TENM4: variants seen among roughly 807,000 people sequenced by gnomAD.
TENM4 encodes teneurin-4.
Under a neutral mutation model 243.3 loss-of-function variants are expected in TENM4, and 82 were observed. The ratio of observed to expected loss-of-function variants is 0.34; its 90% CI spans 0.28 to 0.40. TENM4 has a LOEUF of 0.40. Ranked by LOEUF, TENM4 falls within the 10% of genes least tolerant of loss-of-function variation. The pLI is 1.00. For synonymous variants in TENM4, 1,412 were observed against 1,456.3 expected, an observed-to-expected ratio of 0.97 and a Z score of 0.69; for missense variants, 3,138 against 3,673.3, an observed-to-expected ratio of 0.85 and a Z score of 3.77.
At chr11:79,258,589 C>G (rs1855739909) in intron 2 of TENM4, among the ~76,000 whole-genome samples, 1 of 152,196 alleles carries the variant, frequency 6.6e-6, no homozygotes, top group African/African-American at 2.4e-5. Flanking sequence ...AGTTTCCTGC[C>G]TGCATCTCTA....
At chr11:79,261,320 C>T (rs534883212) in intron 2 of TENM4, among the ~76,000 whole-genome samples, 5 of 152,198 alleles carry the variant, frequency 3.3e-5, no homozygotes, top group African/African-American at 1.2e-4. Flanking sequence ...TAGATCTGAC[C>T]CCACAAACCT....
At chr11:78,780,477 G>A (rs774728281) in intron 16 of TENM4, among the ~76,000 whole-genome samples, 11 of 152,152 alleles carry the variant, frequency 7.2e-5, no homozygotes, top group Middle Eastern at 3.2e-3. Context: ...TATAGAAGAG[G>A]TGTAGTGAGC....
chr11:78,796,507 C>T (rs1013864335), intron 15 of TENM4, among the ~76,000 whole-genome samples: 7 of 152,158 alleles, frequency 4.6e-5, no homozygotes, highest in Non-Finnish European at 8.8e-5. Context: ...TTTCTCCACT[C>T]AGTCATAAGC....
chr11:79,015,476 T>TTGTGTGTGTG (rs1565168039), intron 6 of TENM4, among the ~76,000 whole-genome samples: 1 of 95,450 alleles, frequency 1.0e-5, no homozygotes, highest in African/African-American at 5.5e-5. Context: ...AAAAGTCATT[T>TTGTGTGTGTG]AGTGTGTGTG....
intron 9 of TENM4, among the ~76,000 whole-genome samples, chr11:78,875,615 A>C (rs966630482): frequency 6.6e-6 from 1 of 152,148 alleles, no homozygotes; most frequent in African/African-American, 2.4e-5. Flanking sequence ...CAATGAGGAG[A>C]GGATGGGCTC....
chr11:79,183,056 G>A (rs1488078042), intron 3 of TENM4, among the ~76,000 whole-genome samples: 3 of 151,990 alleles, frequency 2.0e-5, no homozygotes, highest in African/African-American at 7.3e-5. Context: ...GCACTCCTTG[G>A]TATTTACCCA....
chr11:78,954,693 G>C (rs995777061), intron 6 of TENM4, among the ~76,000 whole-genome samples: 11 of 152,206 alleles, frequency 7.2e-5, no homozygotes, highest in African/African-American at 2.2e-4. Flanking sequence ...CAAGTGGAAT[G>C]CAGCAGTAAT....
chr11:79,367,817 G>A (rs1857705495), intron 1 of TENM4, among the ~76,000 whole-genome samples: 1 of 152,176 alleles, frequency 6.6e-6, no homozygotes, highest in Non-Finnish European at 1.5e-5. Flanking sequence ...CTTCTTCCTT[G>A]AAGGCTTCAA....
intron 1 of TENM4, among the ~76,000 whole-genome samples, chr11:79,309,172 CAT>C (rs1225429618): frequency 1.3e-5 from 2 of 152,192 alleles, no homozygotes; most frequent in Non-Finnish European, 2.9e-5. Flanking sequence ...TGGAAGTCCA[CAT>C]GTTTGGTAAA....
chr11:78,897,718 A>T (rs1855829880), intron 7 of TENM4, among the ~76,000 whole-genome samples: 1 of 152,164 alleles, frequency 6.6e-6, no homozygotes, highest in African/African-American at 2.4e-5. Context: ...TGAATCACCA[A>T]ATTACAAGGA....
intron 12 of TENM4, among the ~76,000 whole-genome samples, chr11:78,836,399 A>T (rs1378098001): frequency 2.6e-5 from 4 of 152,186 alleles, no homozygotes; most frequent in Non-Finnish European, 4.4e-5. Flanking sequence ...AAAGAGCCTT[A>T]ATTTTTCTGA....
At chr11:79,060,139 T>TA (rs886323555) in intron 6 of TENM4, among the ~76,000 whole-genome samples, 5 of 152,188 alleles carry the variant, frequency 3.3e-5, no homozygotes, top group East Asian at 1.9e-4. Context: ...CTCTGCTTTC[T>TA]AAAAAACATC....
At chr11:79,263,146 A>G (rs1855827150) in intron 2 of TENM4, among the ~76,000 whole-genome samples, 1 of 152,216 alleles carries the variant, frequency 6.6e-6, no homozygotes, top group Non-Finnish European at 1.5e-5. Flanking sequence ...CAGGTGACCA[A>G]TAAAAGCCCT....
In TENM4 at chr11:78,778,625, T is replaced by C; in HGVS notation, c.2369A>G (p.His790Arg). ...GWNGEHCTIA[H>R]YLDRVVKEGC... The stretch of plus-strand genomic sequence containing the variant: ...ACCTTTAACTACCCTATCCAGATAG[T>C]GAGCTAGGGAGATAAAAGACAGGAC... The change falls in exon 17 of 34, where the codon CAC becomes CGC. Residue 790 changes from histidine to arginine, a missense_variant. By Grantham distance (29) the His-to-Arg change is conservative. This residue lies in a region of TENM4 where 2,467 missense variants were observed against 3,059.1 expected (regional missense o/e 0.81). Coordinates refer to ENST00000278550, the MANE Select transcript of TENM4 (RefSeq NM_001098816.3). 1 of 1,611,910 alleles carries C rather than the reference T, an allele frequency of 6.2e-7. No homozygotes were observed. Among genetic ancestry groups the C allele is most frequent in the Non-Finnish European group, 8.5e-7 (1 of 1,179,062 alleles).
Position 78,812,336 on chromosome 11 carries a change from G to C in TENM4, c.1784-20C>G. 6.5e-7 allele frequency: 1 copy of C among 1,547,514 alleles called. No homozygotes were observed. Among genetic ancestry groups the C allele is most frequent in the Non-Finnish European group, 8.7e-7 (1 of 1,143,542 alleles). On this transcript the variant is annotated intron_variant, in intron 13 of 33. Transcript: ENST00000278550. ...AGGAGGCTGGGGAGACAGCACCGGAGTCTGGCATGAATCAATGTCCAGCAC... is the reference window on the plus strand; with the variant it reads ...AGGAGGCTGGGGAGACAGCACCGGACTCTGGCATGAATCAATGTCCAGCAC...
intron 4 of TENM4, among the ~76,000 whole-genome samples, chr11:79,100,867 A>G (rs989468066): frequency 3.3e-5 from 5 of 152,182 alleles, no homozygotes; most frequent in African/African-American, 1.2e-4. Flanking sequence ...TTATCTGGAA[A>G]GGAGTCTGCC....
In TENM4 at chr11:79,088,922, T is replaced by G. The variant is rs552299026; in HGVS notation, c.-65-18913A>C. ...TTGCAGTTTGAATCTCAGCCCTGCA[T>G]AGCCATCCCAGGCCTCACTTTCCTC... On this transcript the variant is annotated intron_variant, in intron 4 of 33. Transcript: ENST00000278550. Among the ~76,000 whole-genome samples, 11 of 152,292 alleles carry G rather than the reference T, an allele frequency of 7.2e-5. No homozygotes were observed. The East Asian group carries it at 2.1e-3, about 29-fold the overall frequency.
At chr11:78,684,576 C>G (rs962880139) in intron 29 of TENM4, among the ~76,000 whole-genome samples, 1 of 152,150 alleles carries the variant, frequency 6.6e-6, no homozygotes, top group African/African-American at 2.4e-5. Context: ...GTGAACTTCT[C>G]TAGTGCTGAC....
At chr11:78,786,090 T>A (rs1260674669) in intron 16 of TENM4, among the ~76,000 whole-genome samples, 1 of 152,130 alleles carries the variant, frequency 6.6e-6, no homozygotes, top group Non-Finnish European at 1.5e-5. Flanking sequence ...CATTCCAGGA[T>A]AATAAACCAA....
Sources: allele counts gnomAD v4.1 joint callset (sites outside exome capture counted in the v4.1 genomes callset), GRCh38; gene constraint gnomAD v4.1.1; regional missense constraint gnomAD v4.1.1; transcripts MANE v1.5; gene names NCBI Gene and HGNC (gene_info 2026-07-23, HGNC 2026-07-21).